CCDC191: variants seen among roughly 807,000 people sequenced by gnomAD.
CCDC191 encodes the protein coiled-coil domain containing 191, also known as coiled-coil domain-containing protein 191.
Under a neutral mutation model 114.0 loss-of-function variants are expected in CCDC191, and 99 were observed. The observed-to-expected ratio is 0.87, with a 90% CI of 0.74 to 1.03. The LOEUF is 1.03. Ranked by LOEUF, CCDC191 falls within the 50% of genes least tolerant of loss-of-function variation. The pLI is 0.00. For synonymous variants in CCDC191, 351 were observed against 376.0 expected, an observed-to-expected ratio of 0.93 and a Z score of 0.77; for missense variants, 973 against 1,087.0, an observed-to-expected ratio of 0.90 and a Z score of 1.47.
At chr3:114,056,079 G>A (rs1276603123) in intron 1 of CCDC191, among the ~76,000 whole-genome samples, 8 of 151,708 alleles carry the variant, frequency 5.3e-5, no homozygotes, top group Non-Finnish European at 1.5e-5. Flanking sequence ...ATTTAAGGTA[G>A]GGGGAACGGA....
upstream of CCDC191, chr3:114,056,608 C>A (rs776020295): frequency 6.4e-7 from 1 of 1,570,992 alleles, no homozygotes; most frequent in Non-Finnish European, 8.6e-7. Flanking sequence ...ACCACTCCCA[C>A]GAGGCTCTGC....
chr3:114,041,996 G>A (rs912132760), intron 4 of CCDC191, among the ~76,000 whole-genome samples: 6 of 150,948 alleles, frequency 4.0e-5, no homozygotes, highest in East Asian at 1.9e-4. Context: ...TCTCTCCTCT[G>A]GAAAAAAAAA....
At chr3:114,023,168 A>T (rs2076268617) in intron 7 of CCDC191, among the ~76,000 whole-genome samples, 2 of 152,196 alleles carry the variant, frequency 1.3e-5, no homozygotes, top group Admixed American at 6.5e-5. Flanking sequence ...GGACCTCTTC[A>T]AGGAGAACTA....
Position 114,034,439 on chromosome 3 carries a change from C to G in CCDC191, c.818+486G>C, listed in dbSNP as rs557062691. 2.6e-5 allele frequency among the ~76,000 whole-genome samples: 4 copies of G among 152,102 alleles called. No homozygotes were observed. The East Asian group carries it at 5.8e-4, about 22-fold the overall frequency. ...TTTTGAAAGCAATTTGGCAATGTTTCAAGAGTCAGAAAAAGACCTGTGTCA... is the reference window on the plus strand; with the variant it reads ...TTTTGAAAGCAATTTGGCAATGTTTGAAGAGTCAGAAAAAGACCTGTGTCA... On this transcript the variant is annotated intron_variant, in intron 6 of 16. Transcript: ENST00000295878.
intron 16 of CCDC191, among the ~76,000 whole-genome samples, chr3:113,970,242 T>G (rs1271053216): frequency 6.6e-6 from 1 of 151,952 alleles, no homozygotes; most frequent in Non-Finnish European, 1.5e-5. Flanking sequence ...GATCTAACAG[T>G]TTTTTTTGGT....
intron 13 of CCDC191, among the ~76,000 whole-genome samples, chr3:113,983,565 C>T (rs187714014): frequency 6.6e-6 from 1 of 152,290 alleles, no homozygotes; most frequent in East Asian, 1.9e-4. Flanking sequence ...ACTGCTTCCA[C>T]CAACTATACC....
At chr3:113,979,249 G>A (rs1217906231) in intron 14 of CCDC191, among the ~76,000 whole-genome samples, 1 of 152,108 alleles carries the variant, frequency 6.6e-6, no homozygotes, top group African/African-American at 2.4e-5. Flanking sequence ...GTGATTTGCT[G>A]GTTATGGAAA....
chr3:114,012,419 C>T (rs574728236), intron 8 of CCDC191, among the ~76,000 whole-genome samples: 1 of 152,286 alleles, frequency 6.6e-6, no homozygotes, highest in South Asian at 2.1e-4. Context: ...AATTCACTCA[C>T]TGATGGTTTT....
chr3:114,037,225 C>T (rs2076498490), intron 4 of CCDC191: 1 of 152,236 alleles, frequency 6.6e-6, no homozygotes, highest in South Asian at 2.1e-4. Flanking sequence ...ACCATCACCA[C>T]AGTCAAGATA....
intron 13 of CCDC191, among the ~76,000 whole-genome samples, chr3:113,991,857 C>A (rs1349320251): frequency 6.6e-6 from 1 of 151,826 alleles, no homozygotes; most frequent in Non-Finnish European, 1.5e-5. Context: ...AATTATGTTC[C>A]CATATTAGCA....
chr3:114,030,566 T>C (rs574090209), intron 7 of CCDC191, among the ~76,000 whole-genome samples: 17 of 152,340 alleles, frequency 1.1e-4, no homozygotes, highest in African/African-American at 4.1e-4. Context: ...TCCTTCTGTT[T>C]TCCTGAAGCC....
chr3:113,993,235 C>A (rs1190446753), intron 13 of CCDC191, among the ~76,000 whole-genome samples: 1 of 152,014 alleles, frequency 6.6e-6, no homozygotes, highest in African/African-American at 2.4e-5. Flanking sequence ...AGTTTGAGAC[C>A]ACCCTGGGTA....
chr3:113,972,015 AGTT>A (rs1287476722), intron 16 of CCDC191, among the ~76,000 whole-genome samples: 3 of 152,022 alleles, frequency 2.0e-5, no homozygotes, highest in Non-Finnish European at 2.9e-5. Flanking sequence ...TTGATGTCTC[AGTT>A]GTTATGTCTC....
intron 7 of CCDC191, among the ~76,000 whole-genome samples, chr3:114,024,576 C>T (rs1166913485): frequency 6.6e-6 from 1 of 152,166 alleles, no homozygotes; most frequent in Non-Finnish European, 1.5e-5. Context: ...TGGAAACCAT[C>T]ATTCTCAGCA....
intron 16 of CCDC191, 93 bp downstream of exon 16, chr3:113,978,093 A>AG: frequency 2.1e-6 from 3 of 1,419,912 alleles, no homozygotes; most frequent in Non-Finnish European, 2.9e-6. Flanking sequence ...CCTAGCCTCC[A>AG]GCTCATCTCT....
At chr3:113,998,619 A>G (rs563815378) in intron 13 of CCDC191, among the ~76,000 whole-genome samples, 104 of 152,280 alleles carry the variant, frequency 6.8e-4, no homozygotes, top group African/African-American at 2.3e-3. Flanking sequence ...CGAGTACCCA[A>G]TCTGCCAGCA....
intron 13 of CCDC191, among the ~76,000 whole-genome samples, chr3:113,988,448 A>C (rs887709180): frequency 2.6e-5 from 4 of 151,816 alleles, no homozygotes; most frequent in Non-Finnish European, 4.4e-5. Context: ...CCAGCATGGC[A>C]AAACCTAGTC....
At chr3:114,047,149 AG>A (rs2076641755) in intron 2 of CCDC191, 1 of 980,008 alleles carries the variant, frequency 1.0e-6, no homozygotes, top group Non-Finnish European at 1.2e-6. Context: ...TCAGCAAATT[AG>A]TACTCCTGAA....
chr3:114,050,725 G>T (rs1293015196), intron 2 of CCDC191, among the ~76,000 whole-genome samples: 1 of 152,188 alleles, frequency 6.6e-6, no homozygotes, highest in Non-Finnish European at 1.5e-5. Context: ...GATATTATAG[G>T]TTGACTGCTA....
Sources: allele counts gnomAD v4.1 joint callset (sites outside exome capture counted in the v4.1 genomes callset), GRCh38; gene constraint gnomAD v4.1.1; transcripts MANE v1.5; gene names NCBI Gene and HGNC (gene_info 2026-07-23, HGNC 2026-07-21).